The following FOXN3 variants were observed in gnomAD, a reference collection of about 807,000 sequenced individuals.
FOXN3 encodes forkhead box N3, also known as forkhead box protein N3.
In FOXN3, 7 loss-of-function variants were observed where a neutral mutation model predicts 38.4. The observed-to-expected ratio is 0.18, with a 90% CI of 0.10 to 0.34. The LOEUF (loss-of-function observed/expected upper bound fraction) is 0.34, where lower values mean the gene tolerates loss of function less well. FOXN3 is among the 10% of genes least tolerant of loss of function. The probability of loss-of-function intolerance (pLI) is 1.00; values close to 1 mark genes in which losing one functional copy is unlikely to be tolerated. For synonymous variants in FOXN3, 230 were observed against 242.2 expected (o/e 0.95, Z 0.47); for missense variants, 456 against 613.4 (o/e 0.74, Z 2.71).
chr14:89,228,087 A>C (rs1194886124), intron 4 of FOXN3, among the ~76,000 whole-genome samples: 1 of 152,214 alleles, frequency 6.6e-6, no homozygotes, highest in Non-Finnish European at 1.5e-5. Flanking sequence ...CATTAAGCAG[A>C]GGACCCTGCA....
At chr14:89,310,222 T>A (rs1419842887) in intron 3 of FOXN3, among the ~76,000 whole-genome samples, 1 of 152,120 alleles carries the variant, frequency 6.6e-6, no homozygotes, top group East Asian at 1.9e-4. Context: ...CAGGTCTGAA[T>A]TTTGTGGGAG....
At chr14:89,204,792 C>CTCCATCCATCCATCCA (rs142220885) in intron 4 of FOXN3, among the ~76,000 whole-genome samples, 15 of 150,764 alleles carry the variant, frequency 9.9e-5, no homozygotes, top group African/African-American at 3.4e-4. Context: ...GAGACATAGG[C>CTCCATCCATCCATCCA]TCCATCCATC....
intron 3 of FOXN3, among the ~76,000 whole-genome samples, chr14:89,321,123 A>T (rs1014260014): frequency 2.6e-5 from 4 of 151,794 alleles, no homozygotes; most frequent in African/African-American, 9.7e-5. Context: ...ACCCCTCTCT[A>T]CTAAAAAACA....
chr14:89,244,042 C>T (rs924780921), intron 4 of FOXN3, among the ~76,000 whole-genome samples: 1 of 152,202 alleles, frequency 6.6e-6, no homozygotes, highest in Non-Finnish European at 1.5e-5. Context: ...GAAACAGCTA[C>T]AGACAAACCA....
chr14:89,533,839 T>A (rs1894627948), intron 1 of FOXN3, among the ~76,000 whole-genome samples: 1 of 152,158 alleles, frequency 6.6e-6, no homozygotes, highest in African/African-American at 2.4e-5. Flanking sequence ...TAAGTTGAGA[T>A]GTGGGGTTCT....
In FOXN3 at chr14:89,584,609, T is replaced by C. The variant is rs147357516; in HGVS notation, c.-15+34419A>G. ...GTATCAAAATATGAATTTAATTTCA[T>C]TTCCCTAAAGATTTATAATATGAAT... On this transcript the variant is annotated intron_variant, in intron 1 of 6. Transcript: ENST00000345097. Among the ~76,000 whole-genome samples the C allele has an allele frequency of 2.0e-4, 31 of 152,336 alleles. 1 individual carries two copies. Among genetic ancestry groups the C allele is most frequent in the African/African-American group, 7.5e-4 (31 of 41,578 alleles).
At chr14:89,167,703 G>A (rs1456913801) in intron 5 of FOXN3, among the ~76,000 whole-genome samples, 6 of 152,200 alleles carry the variant, frequency 3.9e-5, no homozygotes, top group African/African-American at 1.4e-4. Context: ...TAAAGGCATT[G>A]CTGAGTTCAC....
intron 2 of FOXN3, among the ~76,000 whole-genome samples, chr14:89,372,656 C>A (rs1451890363): frequency 6.6e-6 from 1 of 151,722 alleles, no homozygotes; most frequent in African/African-American, 2.4e-5. Context: ...GTCAGGGTAA[C>A]CCACAGGAAA....
chr14:89,217,463 C>T (rs539381100), intron 4 of FOXN3, among the ~76,000 whole-genome samples: 1 of 152,284 alleles, frequency 6.6e-6, no homozygotes, highest in African/African-American at 2.4e-5. Flanking sequence ...ATGTGTTCTT[C>T]ACCTCTGCCA....
intron 1 of FOXN3, among the ~76,000 whole-genome samples, chr14:89,413,301 C>G (rs949774887): frequency 6.6e-6 from 1 of 152,102 alleles, no homozygotes; most frequent in Non-Finnish European, 1.5e-5. Flanking sequence ...TAATTCCCCC[C>G]ACAAACGAAC....
At chr14:89,611,481 GAAGAGA>G (rs1896385767) in intron 1 of FOXN3, among the ~76,000 whole-genome samples, 1 of 152,194 alleles carries the variant, frequency 6.6e-6, no homozygotes, top group Non-Finnish European at 1.5e-5. Flanking sequence ...AGGGATGGAC[GAAGAGA>G]AAGTCAAAAG....
intron 1 of FOXN3, among the ~76,000 whole-genome samples, chr14:89,547,458 G>C (rs575306039): frequency 8.0e-5 from 12 of 150,896 alleles, no homozygotes; most frequent in African/African-American, 2.9e-4. Context: ...TTTGTTTTTT[G>C]TGGGGTTTTT....
In FOXN3 at chr14:89,196,250, C is replaced by T. The variant is rs148278693; in HGVS notation, c.746-15444G>A. Reference sequence around the variant, plus strand: ...CAGGTAACACAGTTTCCAGAATCAACGGTCCAGCTATTTGGGTGAAGAAAA... The same window carrying T: ...CAGGTAACACAGTTTCCAGAATCAATGGTCCAGCTATTTGGGTGAAGAAAA... On this transcript the variant is annotated intron_variant, in intron 4 of 5. Coordinates refer to ENST00000557258, the MANE Select transcript of FOXN3 (RefSeq NM_005197.4). 4.2e-3 allele frequency among the ~76,000 whole-genome samples: 632 copies of T among 152,282 alleles called. 6 individuals are homozygous for T. Among genetic ancestry groups the T allele is most frequent in the African/African-American group, 0.015 (617 of 41,552 alleles).
At chr14:89,405,947 C>G (rs1891377445) in intron 2 of FOXN3, among the ~76,000 whole-genome samples, 2 of 152,086 alleles carry the variant, frequency 1.3e-5, no homozygotes. Flanking sequence ...GGGAGGATTA[C>G]TTGAGGACAG....
At chr14:89,325,302 CACCACCACCACG>C (rs1253130219) in intron 3 of FOXN3, among the ~76,000 whole-genome samples, 7 of 138,508 alleles carry the variant, frequency 5.1e-5, no homozygotes, top group East Asian at 4.2e-4. Flanking sequence ...CCAACACCAA[CACCACCACCACG>C]ACCACCACCA....
intron 1 of FOXN3, among the ~76,000 whole-genome samples, chr14:89,587,618 A>G (rs1329376135): frequency 6.6e-6 from 1 of 152,194 alleles, no homozygotes; most frequent in Non-Finnish European, 1.5e-5. Flanking sequence ...CTGTAATCCA[A>G]GCACTTTGGG....
intron 1 of FOXN3, among the ~76,000 whole-genome samples, chr14:89,436,275 G>T (rs369035793): frequency 2.0e-4 from 25 of 125,744 alleles, no homozygotes; most frequent in East Asian, 1.9e-3. Context: ...GCCAGAAAAG[G>T]TTTGTTTATT....
At chr14:89,284,194 T>A (rs569782622) in intron 3 of FOXN3, among the ~76,000 whole-genome samples, 50 of 152,144 alleles carry the variant, frequency 3.3e-4, no homozygotes, top group African/African-American at 8.9e-4. Flanking sequence ...TTAATTTTTT[T>A]AAATTGAGAC....
chr14:89,333,814 T>A (rs1445061838), intron 3 of FOXN3, among the ~76,000 whole-genome samples: 1 of 145,486 alleles, frequency 6.9e-6, no homozygotes, highest in African/African-American at 2.6e-5. Flanking sequence ...CACTTCTGGG[T>A]ATATATCCAA....
Sources: gnomAD v4.1 joint callset for allele counts (sites outside exome capture counted in the v4.1 genomes callset) on GRCh38, gnomAD v4.1.1 for gene constraint, MANE v1.5 for transcripts, NCBI Gene and HGNC (gene_info 2026-07-23, HGNC 2026-07-21) for gene names.